The following PABPC4L variants were observed in gnomAD, a reference collection of about 807,000 sequenced individuals.
PABPC4L encodes poly(A) binding protein cytoplasmic 4 like.
For missense variants in PABPC4L, 452 were observed against 451.4 expected (o/e 1.00, Z -0.01); for synonymous variants, 169 against 164.1 (o/e 1.03, Z -0.23).
the PABPC4L span, among the ~76,000 whole-genome samples, chr4:134,086,067 T>A: frequency 3.9e-5 from 6 of 152,102 alleles, no homozygotes; most frequent in East Asian, 1.2e-3. Flanking sequence ...CTGTCTAAAA[T>A]ATTATTGGTC....
chr4:134,098,311 C>CA, the PABPC4L span, among the ~76,000 whole-genome samples: 21 of 151,782 alleles, frequency 1.4e-4, 1 homozygote, highest in Admixed American at 1.3e-3. Context: ...TGCAGATTTA[C>CA]AAAAAATATG....
chr4:134,113,934 T>C, the PABPC4L span, among the ~76,000 whole-genome samples: 1 of 151,856 alleles, frequency 6.6e-6, no homozygotes, highest in Non-Finnish European at 1.5e-5. Flanking sequence ...CAACAAATTA[T>C]ACTCAACCTT....
At chr4:134,004,200 A>C in the PABPC4L span, among the ~76,000 whole-genome samples, 1 of 151,904 alleles carries the variant, frequency 6.6e-6, no homozygotes, top group African/African-American at 2.4e-5. Flanking sequence ...CAGAGTAAAG[A>C]GGCAACCCGA....
At chr4:134,182,498 C>T in the PABPC4L span, among the ~76,000 whole-genome samples, 1 of 151,848 alleles carries the variant, frequency 6.6e-6, no homozygotes, top group Non-Finnish European at 1.5e-5. Flanking sequence ...TATAAAAACC[C>T]TGGAAAATAA....
chr4:134,070,654 G>C, the PABPC4L span, among the ~76,000 whole-genome samples: 2 of 152,078 alleles, frequency 1.3e-5, no homozygotes, highest in African/African-American at 4.8e-5. Context: ...TGTGGCTGTG[G>C]GTCACTGTGG....
chr4:134,030,013 G>A, the PABPC4L span, among the ~76,000 whole-genome samples: 1 of 151,988 alleles, frequency 6.6e-6, no homozygotes, highest in South Asian at 2.1e-4. Flanking sequence ...GCCACCATGT[G>A]AAGAAAGATG....
the PABPC4L span, among the ~76,000 whole-genome samples, chr4:134,157,265 G>GTT: frequency 1.4e-5 from 2 of 141,546 alleles, no homozygotes; most frequent in African/African-American, 5.1e-5. Flanking sequence ...AATGCTCTTA[G>GTT]TTTTTTTTTT....
At chr4:134,093,473 C>T in the PABPC4L span, among the ~76,000 whole-genome samples, 1 of 151,188 alleles carries the variant, frequency 6.6e-6, no homozygotes, top group Admixed American at 6.6e-5. Flanking sequence ...AATTGTTATT[C>T]CTTCATTCTT....
At chr4:134,061,254 A>G in the PABPC4L span, among the ~76,000 whole-genome samples, 2 of 151,972 alleles carry the variant, frequency 1.3e-5, no homozygotes, top group Non-Finnish European at 2.9e-5. Flanking sequence ...CAATTAGAGT[A>G]TGAGTGTTTA....
the PABPC4L span, among the ~76,000 whole-genome samples, chr4:134,012,774 C>T: frequency 4.3e-4 from 66 of 152,230 alleles, no homozygotes; most frequent in Non-Finnish European, 6.9e-4. Flanking sequence ...ATCCGGTAAG[C>T]GGCCTCTTTT....
At chr4:134,053,221 T>G in the PABPC4L span, among the ~76,000 whole-genome samples, 1 of 152,254 alleles carries the variant, frequency 6.6e-6, no homozygotes, top group Admixed American at 6.6e-5. Context: ...AGCCTTGATC[T>G]GTAACAGTTT....
the PABPC4L span, among the ~76,000 whole-genome samples, chr4:133,956,662 T>G: frequency 6.6e-6 from 1 of 152,276 alleles, no homozygotes; most frequent in Admixed American, 6.5e-5. Flanking sequence ...TCCATTCTCA[T>G]GCTGCTATGA....
At chr4:134,114,055 G>A in the PABPC4L span, among the ~76,000 whole-genome samples, 5 of 151,864 alleles carry the variant, frequency 3.3e-5, no homozygotes, top group South Asian at 1.0e-3. Flanking sequence ...TGGGCAAGAA[G>A]CAAGTGGAAA....
the PABPC4L span, among the ~76,000 whole-genome samples, chr4:134,078,546 T>G: frequency 6.6e-6 from 1 of 152,180 alleles, no homozygotes; most frequent in Non-Finnish European, 1.5e-5. Flanking sequence ...GAAAGTGGAA[T>G]TATGTATAGT....
At chr4:134,156,545 A>C in the PABPC4L span, among the ~76,000 whole-genome samples, 1 of 152,032 alleles carries the variant, frequency 6.6e-6, no homozygotes, top group African/African-American at 2.4e-5. Context: ...ATAATATTTC[A>C]ATAGATTCTG....
the PABPC4L span, among the ~76,000 whole-genome samples, chr4:134,129,109 C>T: frequency 1.3e-5 from 2 of 152,036 alleles, no homozygotes; most frequent in South Asian, 2.1e-4. Context: ...AAGGACTAGT[C>T]CAACAGGAAA....
chr4:134,190,931 C>T, the PABPC4L span, among the ~76,000 whole-genome samples: 4 of 152,070 alleles, frequency 2.6e-5, no homozygotes, highest in Non-Finnish European at 4.4e-5. Context: ...GGATTACAGG[C>T]GTGAGGCTCT....
chr4:133,954,779 G>A, the PABPC4L span, among the ~76,000 whole-genome samples: 1 of 151,998 alleles, frequency 6.6e-6, no homozygotes, highest in Admixed American at 6.6e-5. Context: ...AGAATATTAG[G>A]AATTCTTTAC....
the PABPC4L span, among the ~76,000 whole-genome samples, chr4:133,978,553 CTG>C: frequency 0.17 from 25,827 of 148,080 alleles, 2,870 homozygotes; most frequent in African/African-American, 0.32. Flanking sequence ...GAGGTGGAGG[CTG>C]TGTGTGTGTG....
Sources: allele counts gnomAD v4.1 joint callset (sites outside exome capture counted in the v4.1 genomes callset), GRCh38; gene constraint gnomAD v4.1.1; transcripts MANE v1.5; gene names NCBI Gene and HGNC (gene_info 2026-07-23, HGNC 2026-07-21).